The following NEK1 variants were observed in gnomAD, a reference collection of about 807,000 sequenced individuals.
The protein encoded by NEK1 is serine/threonine-protein kinase Nek1.
In NEK1, 137 loss-of-function variants were observed where a neutral mutation model predicts 182.1. The observed-to-expected ratio is 0.75, with a 90% confidence interval of 0.65 to 0.87. The LOEUF (loss-of-function observed/expected upper bound fraction) is 0.87, where lower values mean the gene tolerates loss of function less well. Ranked by LOEUF, NEK1 falls within the 40% of genes least tolerant of loss-of-function variation. NEK1 has a pLI of 0.00. For missense variants in NEK1, 1,391 were observed against 1,494.4 expected, an observed-to-expected ratio of 0.93 and a Z score of 1.14; for synonymous variants, 513 against 492.2, an observed-to-expected ratio of 1.04 and a Z score of -0.56.
intron 23 of NEK1, among the ~76,000 whole-genome samples, chr4:169,482,708 G>A (rs1748290791): frequency 6.6e-6 from 1 of 151,766 alleles, no homozygotes; most frequent in Non-Finnish European, 1.5e-5. Flanking sequence ...CAATGGCTCA[G>A]TGAAACCTCC....
At chr4:169,471,128 C>A (rs1042604580) in intron 26 of NEK1, among the ~76,000 whole-genome samples, 4 of 152,186 alleles carry the variant, frequency 2.6e-5, no homozygotes, top group African/African-American at 9.6e-5. Flanking sequence ...TCTGTCAATT[C>A]ATCAAACTCA....
chr4:169,472,254 C>A (rs1746128390), intron 26 of NEK1, among the ~76,000 whole-genome samples: 1 of 152,146 alleles, frequency 6.6e-6, no homozygotes, highest in South Asian at 2.1e-4. Context: ...ATACCCAGGG[C>A]CCTGGTTGTA....
Position 169,576,960 on chromosome 4 carries a change from G to T in NEK1, c.988C>A (p.His330Asn), listed in dbSNP as rs1234385073. Residue 330 changes from histidine (H) to asparagine (N), a missense_variant, in exon 12 of 36, where the codon CAC (histidine) becomes AAC (asparagine). By Grantham distance (68) the His-to-Asn change is moderately conservative (BLOSUM62 1). Transcript: ENST00000507142. ...AYKKYGDKKLHEKKPLQKHKQ... is the reference protein window; with the variant it reads ...AYKKYGDKKLNEKKPLQKHKQ... Reference sequence around the variant, plus strand: ...TGTTTTTGCAGTGGTTTCTTTTCGTGTAATTTTTTATCTCCATATTTCTTA... The same window carrying T: ...TGTTTTTGCAGTGGTTTCTTTTCGTTTAATTTTTTATCTCCATATTTCTTA... 6.2e-7 allele frequency: 1 copy of T among 1,611,006 alleles called. No individual in the cohort carries two copies. The highest frequency in any genetic ancestry group is 2.2e-5 in the East Asian group (1 of 44,770).
At chr4:169,599,345 T>C (rs1271019010) in intron 4 of NEK1, 148 bp from the exon 5 acceptor site, 1 of 577,660 alleles carries the variant, frequency 1.7e-6, no homozygotes, top group East Asian at 2.8e-5. Context: ...AGTCAAGGTA[T>C]ACCGGTCACA....
intron 27 of NEK1, 113 bp downstream of exon 27, chr4:169,463,130 T>C: frequency 1.7e-6 from 1 of 603,986 alleles, no homozygotes; most frequent in Non-Finnish European, 2.5e-6. Context: ...AAAATTATTA[T>C]AAGAGAAAGA....
chr4:169,475,324 A>G (rs1746746208), intron 26 of NEK1, among the ~76,000 whole-genome samples: 1 of 152,212 alleles, frequency 6.6e-6, no homozygotes, highest in Admixed American at 6.5e-5. Flanking sequence ...CCAAACTGGA[A>G]AACCTCATCA....
At chr4:169,490,640 C>A (rs1197681338) in intron 23 of NEK1, among the ~76,000 whole-genome samples, 1 of 151,512 alleles carries the variant, frequency 6.6e-6, no homozygotes, top group African/African-American at 2.4e-5. Flanking sequence ...CAAAAAGAAC[C>A]AAACAGAAAT....
chr4:169,555,989 G>C lies in NEK1; in HGVS notation c.1373C>G (p.Ala458Gly), dbSNP rs1762110477. 1 of 1,613,448 alleles carries C rather than the reference G, an allele frequency of 6.2e-7. No individual in the cohort carries two copies. Reference sequence around the variant, plus strand: ...TTTCCATTTAGCTTCATTATCTTCTGCTCTTTGTTGCTGCATTTGGTCAAA... The same window carrying C: ...TTTCCATTTAGCTTCATTATCTTCTCCTCTTTGTTGCTGCATTTGGTCAAA... ...AIFDQMQQQR[A>G]EDNEAKWKRE... Residue 458 changes from alanine to glycine, a missense_variant, in exon 17 of 36, where the codon GCA (alanine) becomes GGA (glycine). Physicochemically the swap from Ala to Gly is moderately conservative, Grantham distance 60. Around this residue, in one of 5 missense-constraint regions of NEK1, gnomAD observed 1,216 missense variants for 1,277.6 expected, o/e 0.95. Coordinates refer to ENST00000507142, the MANE Select transcript of NEK1 (RefSeq NM_001199397.3).
At chr4:169,569,273 GATTTT>G (rs1313934471) in intron 12 of NEK1, among the ~76,000 whole-genome samples, 2 of 152,038 alleles carry the variant, frequency 1.3e-5, no homozygotes, top group East Asian at 1.9e-4. Flanking sequence ...TTTTACATTA[GATTTT>G]ATTTTTAAAA....
chr4:169,599,036 TA>T, intron 5 of NEK1, 63 bp downstream of exon 5: 1 of 1,260,182 alleles, frequency 7.9e-7, no homozygotes, highest in Non-Finnish European at 1.1e-6. Context: ...AATACACACA[TA>T]AACAAATTTT....
chr4:169,549,885 CATTT>C (rs1231360045), intron 18 of NEK1, among the ~76,000 whole-genome samples: 2 of 152,068 alleles, frequency 1.3e-5, no homozygotes, highest in East Asian at 1.9e-4. Flanking sequence ...ATGCCCAGTT[CATTT>C]ATTTATTTAT....
Position 169,508,813 on chromosome 4 carries a change from G to T in NEK1, c.1705C>A (p.Pro569Thr). ...QNLAAMYGGRPSSSRGGKPRN... is the reference protein window; with the variant it reads ...QNLAAMYGGRTSSSRGGKPRN... ...GGCTTCCCTCCTCTTGAAGAGCTGGGCCTGCCTCCATACATAGCTGCCAGG... is the reference window on the plus strand; with the variant it reads ...GGCTTCCCTCCTCTTGAAGAGCTGGTCCTGCCTCCATACATAGCTGCCAGG... Residue 569 changes from proline (P) to threonine (T), a missense_variant, in exon 20 of 36, where the codon CCC becomes ACC. By Grantham distance (38) the Pro-to-Thr change is conservative. This residue lies in a region of NEK1 where 1,216 missense variants were observed against 1,277.6 expected (regional missense o/e 0.95). Coordinates refer to ENST00000507142, the MANE Select transcript of NEK1 (RefSeq NM_001199397.3). 1 of 1,591,308 alleles carries T rather than the reference G, an allele frequency of 6.3e-7. No homozygotes were observed. The highest frequency in any genetic ancestry group is 2.2e-5 in the East Asian group (1 of 44,734).
At chr4:169,539,040 C>G (rs973420556) in intron 18 of NEK1, among the ~76,000 whole-genome samples, 2 of 152,090 alleles carry the variant, frequency 1.3e-5, no homozygotes, top group Admixed American at 1.3e-4. Context: ...AAGATTCTTA[C>G]GAAATTTCCA....
intron 18 of NEK1, among the ~76,000 whole-genome samples, chr4:169,547,476 T>A (rs1760701872): frequency 1.3e-5 from 2 of 152,166 alleles, no homozygotes; most frequent in Admixed American, 1.3e-4. Flanking sequence ...TCGAGGAGTA[T>A]CTTTGTGGTG....
intron 32 of NEK1, among the ~76,000 whole-genome samples, chr4:169,404,824 A>G (rs769142309): frequency 1.3e-5 from 2 of 152,094 alleles, no homozygotes; most frequent in Non-Finnish European, 2.9e-5. Flanking sequence ...GTACATGTGC[A>G]CAATCTAAGG....
At position 169,393,582 on chromosome 4, in the gene NEK1, A is replaced by G. The variant is rs1008802920; in HGVS notation, c.*928T>C. The G allele has an allele frequency of 6.6e-6, 1 of 152,148 alleles. No individual in the cohort carries two copies. Among genetic ancestry groups the G allele is most frequent in the African/African-American group, 2.4e-5 (1 of 41,432 alleles). The allele number at this position is 152,148 out of a possible 1,614,324, so 9.4% of individuals were successfully genotyped here. A position where few individuals can be genotyped will look rare whatever the true frequency, so the allele number is the denominator to read the frequency against. On this transcript the variant is annotated 3_prime_UTR_variant, in exon 36 of 36. Coordinates refer to ENST00000507142, the MANE Select transcript of NEK1 (RefSeq NM_001199397.3). ...ATCAACATCTTAATGACCTAACTAAATCCTCTCATAACAGAAAGAAGTTCA... is the reference window on the plus strand; with the variant it reads ...ATCAACATCTTAATGACCTAACTAAGTCCTCTCATAACAGAAAGAAGTTCA...
At chr4:169,547,664 G>C (rs1255005541) in intron 18 of NEK1, among the ~76,000 whole-genome samples, 1 of 152,104 alleles carries the variant, frequency 6.6e-6, no homozygotes, top group African/African-American at 2.4e-5. Flanking sequence ...TGGAGGCTTT[G>C]TTCGTTTCTT....
Position 169,612,159 on chromosome 4 carries a change from A to AGACTGTCT in NEK1, c.-172-24_-172-17dup, listed in dbSNP as rs1267624733. 6.6e-6 allele frequency: 1 copy of AGACTGTCT among 152,456 alleles called. No homozygotes were observed. The highest frequency in any genetic ancestry group is 1.5e-5 in the Non-Finnish European group (1 of 68,246). The allele number at this position is 152,456 out of a possible 1,614,324, so 9.4% of individuals were successfully genotyped here. ...AAATGACATCCTGAAAGAGAAACCA[A>AGACTGTCT]GACTGTCTAACCAGCAGCAGCTCAC... On this transcript the variant is annotated splice_polypyrimidine_tract_variant and intron_variant, in intron 1 of 35. Transcript: ENST00000507142.
chr4:169,414,638 T>C (rs751565535), intron 31 of NEK1, among the ~76,000 whole-genome samples: 5 of 152,194 alleles, frequency 3.3e-5, no homozygotes, highest in South Asian at 2.1e-4. Flanking sequence ...AAGTGGGGAA[T>C]GTGGACCACC....
Sources: gnomAD v4.1 joint callset for allele counts (sites outside exome capture counted in the v4.1 genomes callset) on GRCh38, gnomAD v4.1.1 for gene constraint, gnomAD v4.1.1 regional missense constraint, MANE v1.5 for transcripts, NCBI Gene and HGNC (gene_info 2026-07-23, HGNC 2026-07-21) for gene names.